Variants in PIAS1 observed in about 807,000 individuals in gnomAD.
PIAS1 encodes E3 SUMO-protein ligase PIAS1.
PIAS1 carries 6 observed loss-of-function variants against 71.3 expected under a neutral mutation model. That is an observed-to-expected ratio of 0.08 (90% CI 0.05 to 0.17). The LOEUF is 0.17. PIAS1 is among the 10% of genes least tolerant of loss of function. The pLI, the probability that PIAS1 is intolerant of heterozygous loss-of-function variation, is 1.00. For synonymous variants in PIAS1, 303 were observed against 292.9 expected, an observed-to-expected ratio of 1.03 and a Z score of -0.35; for missense variants, 555 against 793.6, an observed-to-expected ratio of 0.70 and a Z score of 3.61.
intron 1 of PIAS1, among the ~76,000 whole-genome samples, chr15:68,060,655 A>G (rs556308954): frequency 7.9e-5 from 12 of 152,270 alleles, no homozygotes; most frequent in South Asian, 2.1e-4. Context: ...CAAACACTAT[A>G]CTGAACATTA....
At chr15:68,130,001 T>C (rs920024921) in intron 2 of PIAS1, among the ~76,000 whole-genome samples, 3 of 152,092 alleles carry the variant, frequency 2.0e-5, no homozygotes, top group Non-Finnish European at 2.9e-5. Context: ...ACAGTGAGTA[T>C]TGCATATTTT....
At chr15:68,104,120 T>TG (rs1358276104) in intron 2 of PIAS1, among the ~76,000 whole-genome samples, 1 of 152,206 alleles carries the variant, frequency 6.6e-6, no homozygotes, top group Non-Finnish European at 1.5e-5. Flanking sequence ...CCTTTTTTAA[T>TG]ATAGTCATCC....
chr15:68,149,326 C>CT (rs562772014), intron 6 of PIAS1, among the ~76,000 whole-genome samples: 1,647 of 127,540 alleles, frequency 0.013, 13 homozygotes, highest in African/African-American at 0.029. Context: ...TCCTGCATTA[C>CT]TTTTTTTTTT....
Position 68,146,588 on chromosome 15 carries a change from A to G in PIAS1, c.716A>G (p.Asn239Ser). 6.2e-7 allele frequency: 1 copy of G among 1,611,532 alleles called. No individual in the cohort carries two copies. The highest frequency in any genetic ancestry group is 8.5e-7 in the Non-Finnish European group (1 of 1,177,922). The change falls in exon 6 of 14, where the codon AAT (asparagine) becomes AGT (serine). Residue 239 changes from asparagine to serine, a missense_variant. Around this residue, in one of 5 missense-constraint regions of PIAS1, gnomAD observed 134 missense variants for 203.4 expected, o/e 0.66. Coordinates refer to ENST00000249636, the MANE Select transcript of PIAS1 (RefSeq NM_016166.3). ...TAGGGTTACCTTCCACCTACAAAAA[A>G]TGGCGTGGAACCAAAGCGACCCAGC... ...SLPGYLPPTKNGVEPKRPSRP... is the reference protein window; with the variant it reads ...SLPGYLPPTKSGVEPKRPSRP...
chr15:68,094,865 A>G (rs1304948855), intron 2 of PIAS1, among the ~76,000 whole-genome samples: 1 of 152,218 alleles, frequency 6.6e-6, no homozygotes, highest in Non-Finnish European at 1.5e-5. Flanking sequence ...AATGAAGTCT[A>G]ACACTTACCT....
At chr15:68,164,534 C>G (rs1046615693) in intron 7 of PIAS1, among the ~76,000 whole-genome samples, 197 bp from the exon 8 acceptor site, 4 of 152,152 alleles carry the variant, frequency 2.6e-5, no homozygotes, top group African/African-American at 9.6e-5. Flanking sequence ...CATAGTCATT[C>G]TACAGATAAA....
At chr15:68,069,847 A>T (rs1373427421) in intron 1 of PIAS1, among the ~76,000 whole-genome samples, 1 of 151,736 alleles carries the variant, frequency 6.6e-6, no homozygotes, top group Non-Finnish European at 1.5e-5. Context: ...GTACTCCTGT[A>T]ACTATATGAA....
At position 68,146,659 on chromosome 15, in the gene PIAS1, C is replaced by G; in HGVS notation, c.787C>G (p.Pro263Ala). 1 of 1,612,700 alleles carries G rather than the reference C, an allele frequency of 6.2e-7. No homozygotes were observed. The highest frequency in any genetic ancestry group is 2.2e-5 in the East Asian group (1 of 44,852). The change falls in exon 6 of 14, where the codon CCA becomes GCA. Residue 263 changes from proline to alanine, a missense_variant. Physicochemically the swap from Pro to Ala is conservative, Grantham distance 27 (BLOSUM62 -1). Around this residue, in one of 5 missense-constraint regions of PIAS1, gnomAD observed 134 missense variants for 203.4 expected, o/e 0.66. Transcript: ENST00000249636. ...TSLVRLSTTV[P>A]NTIVVSWTAE... is the part of the protein sequence containing the mutation. ...ACTTGTCCGACTGTCCACAACAGTACCAAACACGATTGTTGTTTCTTGGAC... is the reference window on the plus strand; with the variant it reads ...ACTTGTCCGACTGTCCACAACAGTAGCAAACACGATTGTTGTTTCTTGGAC...
intron 7 of PIAS1, among the ~76,000 whole-genome samples, chr15:68,156,725 AAAAGAG>A (rs1304074201): frequency 6.6e-6 from 1 of 150,380 alleles, no homozygotes; most frequent in Non-Finnish European, 1.5e-5. Context: ...AAAAAAAAAA[AAAAGAG>A]AGAGAGAGAG....
chr15:68,176,402 C>A, intron 10 of PIAS1, 72 bp from the exon 11 acceptor site: 1 of 982,222 alleles, frequency 1.0e-6, no homozygotes, highest in Non-Finnish European at 1.5e-6. Flanking sequence ...AACTGATAAA[C>A]TGTAGTGACA....
intron 1 of PIAS1, among the ~76,000 whole-genome samples, chr15:68,075,651 A>G (rs528919728): frequency 6.6e-6 from 1 of 152,334 alleles, no homozygotes; most frequent in African/African-American, 2.4e-5. Context: ...GTTATTATTA[A>G]TAGGCTTCTG....
intron 1 of PIAS1, among the ~76,000 whole-genome samples, chr15:68,062,120 C>T (rs745703719): frequency 7.9e-5 from 12 of 152,200 alleles, no homozygotes; most frequent in Non-Finnish European, 1.8e-4. Context: ...TTTCTTGCTG[C>T]TGCTTAGATG....
chr15:68,140,839 T>C (rs1201542274), intron 2 of PIAS1, among the ~76,000 whole-genome samples: 1 of 152,168 alleles, frequency 6.6e-6, no homozygotes, highest in African/African-American at 2.4e-5. Flanking sequence ...TTCTTAATAA[T>C]AACTCTTAGT....
chr15:68,158,773 C>A (rs1039546288), intron 7 of PIAS1, among the ~76,000 whole-genome samples: 3 of 152,006 alleles, frequency 2.0e-5, no homozygotes, highest in African/African-American at 7.2e-5. Flanking sequence ...ATTAAAATAA[C>A]CTGATATTAA....
At position 68,175,757 on chromosome 15, in the gene PIAS1, T is replaced by C; in HGVS notation, c.1290T>C (p.Asn430=). Residue 430 remains asparagine, a synonymous_variant, in exon 10 of 14, where the codon AAT becomes AAC. Transcript: ENST00000249636. The part of the protein sequence containing the change: ...KEVQEVSASY[N]GVDGCLSSTL... ...TACAGGAAGTTTCTGCCTCTTACAA[T>C]GGAGTCGATGGTGAGTAGTTCTTCA... 1.2e-6 allele frequency: 2 copies of C among 1,603,978 alleles called. No individual in the cohort carries two copies. Among genetic ancestry groups the C allele is most frequent in the African/African-American group, 1.3e-5 (1 of 74,764 alleles).
intron 2 of PIAS1, among the ~76,000 whole-genome samples, chr15:68,117,561 ACTT>A (rs1265323019): frequency 6.6e-6 from 1 of 152,064 alleles, no homozygotes. Flanking sequence ...TCTATTCTCT[ACTT>A]CTGTGAGAAC....
intron 12 of PIAS1, 178 bp downstream of exon 12, chr15:68,181,532 G>A (rs1176680222): frequency 1.8e-6 from 1 of 567,618 alleles, no homozygotes; most frequent in East Asian, 3.0e-5. Flanking sequence ...TTCGTTGATT[G>A]TACTGTCATC....
At position 68,086,425 on chromosome 15, in the gene PIAS1, C is replaced by G. The variant is rs751305102; in HGVS notation, c.144C>G (p.Gly48=). The change falls in exon 2 of 14, where the codon GGC becomes GGG. Residue 48 remains glycine (G), a synonymous_variant. Transcript: ENST00000249636. The surrounding 1 kb of genome is among the most constrained non-coding windows in gnomAD (Gnocchi z 7.2). ...AAGCCCTGCATTTGCTAAAGGCTGGCTGTAGTCCTGCTGTGCAAATGAAAA... is the reference window on the plus strand; with the variant it reads ...AAGCCCTGCATTTGCTAAAGGCTGGGTGTAGTCCTGCTGTGCAAATGAAAA... ...LTKALHLLKA[G]CSPAVQMKIK... is the part of the protein sequence containing the mutation. 15 of 1,613,904 alleles carry G rather than the reference C, an allele frequency of 9.3e-6. No individual in the cohort carries two copies. The highest frequency in any genetic ancestry group is 1.3e-5 in the Non-Finnish European group (15 of 1,179,828).
At chr15:68,055,090 A>G (rs1198248740) in intron 1 of PIAS1, 2 of 434,296 alleles carry the variant, frequency 4.6e-6, no homozygotes, top group African/African-American at 2.1e-5. Flanking sequence ...ACCCCCTCGA[A>G]GAGTGTGTCT....
Sources: allele counts gnomAD v4.1 joint callset (sites outside exome capture counted in the v4.1 genomes callset), GRCh38; gene constraint gnomAD v4.1.1; regional missense constraint gnomAD v4.1.1; non-coding constraint Gnocchi (gnomAD v3.1); transcripts MANE v1.5; gene names NCBI Gene and HGNC (gene_info 2026-07-23, HGNC 2026-07-21).